The following HSF1 variants were observed in gnomAD, a reference collection of about 807,000 sequenced individuals.
HSF1 encodes the protein heat shock factor protein 1.
In HSF1, 32 loss-of-function variants were observed where a neutral mutation model predicts 51.7. The observed-to-expected ratio is 0.62, with a 90% CI of 0.47 to 0.83. The LOEUF (loss-of-function observed/expected upper bound fraction) is 0.83, where lower values mean the gene tolerates loss of function less well. Among genes scored for constraint, HSF1 ranks in the 40% least tolerant of loss-of-function variants. HSF1 has a pLI of 0.00. For missense variants in HSF1, 727 were observed against 717.0 expected, an observed-to-expected ratio of 1.01 and a Z score of -0.16; for synonymous variants, 396 against 309.7, an observed-to-expected ratio of 1.28 and a Z score of -2.92.
chr8:144,310,203 T>G (rs1816531033), intron 4 of HSF1: 1 of 357,026 alleles, frequency 2.8e-6, no homozygotes, highest in Admixed American at 4.3e-5. Flanking sequence ...AGCCTACTTT[T>G]GAGGACAAGC....
At chr8:144,310,428 C>T (rs1816553011) in intron 4 of HSF1, 2 of 155,400 alleles carry the variant, frequency 1.3e-5, no homozygotes. Flanking sequence ...AAGGCCAGCT[C>T]AGGTCTCACG....
rs782690499 is a variant in HSF1, at chr8:144,311,464, C to T, written c.627-41C>T. 38 of 1,612,542 alleles carry T rather than the reference C, an allele frequency of 2.4e-5. No homozygotes were observed. In the East Asian group the frequency reaches 2.9e-4, roughly 12 times the overall value. ...TCTGTCAGCTGTGCCCCGGGTACCCCGAGGTGGGGGGTGGTGGCTGACCTG... is the reference window on the plus strand; with the variant it reads ...TCTGTCAGCTGTGCCCCGGGTACCCTGAGGTGGGGGGTGGTGGCTGACCTG... On this transcript the variant is annotated intron_variant, in intron 6 of 12. Transcript: ENST00000528838.
At chr8:144,305,028 A>C (rs1409479738) in intron 1 of HSF1, among the ~76,000 whole-genome samples, 4 of 150,062 alleles carry the variant, frequency 2.7e-5, no homozygotes, top group African/African-American at 9.9e-5. Context: ...GCTCACTGCA[A>C]CCTCTGCCTC....
chr8:144,306,827 G>A (rs1270180069), intron 1 of HSF1, among the ~76,000 whole-genome samples: 2 of 152,228 alleles, frequency 1.3e-5, no homozygotes, highest in Admixed American at 6.5e-5. Context: ...GGCCACTGCC[G>A]TCTCTGTTCA....
rs782381320 is a variant in HSF1, at chr8:144,314,151, C to T, written c.1411C>T (p.Gln471Ter). The T allele has an allele frequency of 2.6e-6, 4 of 1,547,674 alleles. No individual in the cohort carries two copies. The highest frequency in any genetic ancestry group is 2.6e-6 in the Non-Finnish European group (3 of 1,146,420). ...SGKQLVHYTA[Q>*]PLFLLDPGSV... The stretch of plus-strand genomic sequence containing the variant: ...GAAGCAGCTGGTGCACTACACAGCG[C>T]AGCCGCTGTTCCTGCTGGACCCCGG... Residue 471 changes from glutamine (Q) to a stop codon, truncating the protein, a stop_gained, in exon 13 of 13, where the codon CAG becomes TAG. Coordinates refer to ENST00000528838, the MANE Select transcript of HSF1 (RefSeq NM_005526.4). LOFTEE classifies it high-confidence loss of function.
At chr8:144,296,287 A>T (rs527793337) in intron 1 of HSF1, among the ~76,000 whole-genome samples, 432 of 152,292 alleles carry the variant, frequency 2.8e-3, no homozygotes, top group African/African-American at 0.01. Flanking sequence ...CTGGTCACAG[A>T]TCGTGTCCGG....
chr8:144,312,183 C>CCGG lies in HSF1; in HGVS notation c.1082_1083insGGC (p.Pro361_Pro362insAla). ...GGGCCACACGGACACCGAGGGCCGG[C>CCGG]CTCCCTCCCCCCCGCCCACCTCCAC... On this transcript the variant is annotated inframe_insertion, in exon 9 of 13. Transcript: ENST00000528838. The CCGG allele has an allele frequency of 6.3e-7, 1 of 1,595,320 alleles. No individual in the cohort carries two copies. Among genetic ancestry groups the CCGG allele is most frequent in the Non-Finnish European group, 8.6e-7 (1 of 1,167,422 alleles).
At chr8:144,312,338 C>A in intron 9 of HSF1, 94 bp downstream of exon 9, 1 of 1,003,876 alleles carries the variant, frequency 1.0e-6, no homozygotes, top group Non-Finnish European at 1.5e-6. Flanking sequence ...AGCAGGGCAG[C>A]TGGCGAGGCA....
intron 1 of HSF1, among the ~76,000 whole-genome samples, chr8:144,296,038 G>A (rs1353564992): frequency 6.6e-6 from 1 of 152,194 alleles, no homozygotes; most frequent in East Asian, 1.9e-4. Flanking sequence ...GACTGAGTGA[G>A]CTGGAGGTCA....
At position 144,311,966 on chromosome 8, in the gene HSF1, C is replaced by G. The variant is rs533394672; in HGVS notation, c.864C>G (p.Pro288=). 9.1e-5 allele frequency: 144 copies of G among 1,587,434 alleles called. No individual in the cohort carries two copies. The highest frequency in any genetic ancestry group is 7.2e-5 in the Non-Finnish European group (84 of 1,168,312). The stretch of plus-strand genomic sequence containing the variant: ...ACCTGGCCCCCCTCGTGTGCAGGCC[C>G]CTATCCAGCAGCCCCCTGGTGCGTG... ...ASPGGSIDER[P]LSSSPLVRVK... The change falls in exon 9 of 13, where the codon CCC becomes CCG. Residue 288 remains proline, a synonymous_variant. Transcript: ENST00000528838.
At chr8:144,300,011 G>C (rs1815747159) in intron 1 of HSF1, among the ~76,000 whole-genome samples, 1 of 152,182 alleles carries the variant, frequency 6.6e-6, no homozygotes, top group Non-Finnish European at 1.5e-5. Context: ...ATTCCACATT[G>C]TTTACTGAGA....
chr8:144,311,915 G>A (rs1816693986), intron 8 of HSF1, 48 bp from the exon 9 acceptor site: 4 of 1,580,942 alleles, frequency 2.5e-6, no homozygotes, highest in African/African-American at 2.7e-5. Context: ...TTGGGGATGA[G>A]GTGGGGCTGG....
intron 6 of HSF1, 53 bp downstream of exon 6, chr8:144,311,435 C>T: frequency 6.2e-7 from 1 of 1,612,204 alleles, no homozygotes; most frequent in Non-Finnish European, 8.5e-7. Context: ...GGCTGTCCCC[C>T]TTCTCTGTCA....
intron 1 of HSF1, among the ~76,000 whole-genome samples, chr8:144,299,095 A>C (rs1815681876): frequency 6.6e-6 from 1 of 152,218 alleles, no homozygotes. Flanking sequence ...AACAAGTGCA[A>C]GGCAAGCCCT....
Position 144,311,672 on chromosome 8 carries a change from T to G in HSF1, c.724-28T>G, listed in dbSNP as rs782142896. On this transcript the variant is annotated intron_variant, in intron 7 of 12. Coordinates refer to ENST00000528838, the MANE Select transcript of HSF1 (RefSeq NM_005526.4). ...TGGGGTGGGTTGCCCCTGCCGGCAC[T>G]GCATGGACCTCCTGCCTTTGATTGC... 15 of 1,610,364 alleles carry G rather than the reference T, an allele frequency of 9.3e-6. No individual in the cohort carries two copies. The South Asian group carries it at 1.7e-4, about 18-fold the overall frequency.
Position 144,314,172 on chromosome 8 carries a change from C to T in HSF1, c.1432C>T (p.Pro478Ser). The change falls in exon 13 of 13, where the codon CCC becomes TCC. Residue 478 changes from proline (P) to serine (S), a missense_variant. Physicochemically the swap from Pro to Ser is moderately conservative, Grantham distance 74. Transcript: ENST00000528838. ...YTAQPLFLLD[P>S]GSVDTGSNDL... ...AGCGCAGCCGCTGTTCCTGCTGGAC[C>T]CCGGCTCCGTGGACACCGGGAGCAA... 6.5e-7 allele frequency: 1 copy of T among 1,549,372 alleles called. No individual in the cohort carries two copies. Among genetic ancestry groups the T allele is most frequent in the Non-Finnish European group, 8.7e-7 (1 of 1,146,702 alleles).
In HSF1 at chr8:144,313,660, GCCGCGCCGCCCCGCCTCCCCGCCCCGCCT is replaced by G. The variant is rs1816901635; in HGVS notation, c.1248+47_1248+75del. 160 of 113,354 alleles carry G rather than the reference GCCGCGCCGCCCCGCCTCCCCGCCCCGCCT, an allele frequency of 1.4e-3. 15 individuals carry two copies. The highest frequency in any genetic ancestry group is 0.014 in the African/African-American group (146 of 10,350). 7.0% of individuals were successfully genotyped at this position (113,354 alleles called of 1,614,324 possible). A position where few individuals can be genotyped will look rare whatever the true frequency, so the allele number is the denominator to read the frequency against. On this transcript the variant is annotated intron_variant, in intron 10 of 12. Transcript: ENST00000528838. ...CCCCGCCTCCCCGCCCCGCCTCCCC[GCCGCGCCGCCCCGCCTCCCCGCCCCGCCT>G]CCCCGCCTCCCCGCGCCGCCGCCCC...
intron 1 of HSF1, among the ~76,000 whole-genome samples, chr8:144,292,947 CCTGT>C (rs1465371481): frequency 1.6e-5 from 2 of 123,994 alleles, no homozygotes; most frequent in South Asian, 6.5e-4. Flanking sequence ...AGAGTGAGAC[CCTGT>C]CTAAGAAAAA....
chr8:144,305,564 G>T (rs1254512030), intron 1 of HSF1, among the ~76,000 whole-genome samples: 6 of 151,756 alleles, frequency 4.0e-5, no homozygotes, highest in Non-Finnish European at 8.8e-5. Flanking sequence ...GCCTCCCAAA[G>T]TGCTGAGATT....
Sources: gnomAD v4.1 joint callset for allele counts (sites outside exome capture counted in the v4.1 genomes callset) on GRCh38, gnomAD v4.1.1 for gene constraint, MANE v1.5 for transcripts, NCBI Gene and HGNC (gene_info 2026-07-23, HGNC 2026-07-21) for gene names.